The following BCCIP variants were observed in gnomAD, a reference collection of about 807,000 sequenced individuals.
BCCIP encodes BRCA2 and CDKN1A-interacting protein.
BCCIP carries 23 observed loss-of-function variants against 32.8 expected under a neutral mutation model. The ratio of observed to expected loss-of-function variants is 0.70; its 90% CI spans 0.51 to 0.99. The LOEUF is 0.99. BCCIP is among the 50% of genes least tolerant of loss of function. The pLI is 0.00. For missense variants in BCCIP, 378 were observed against 379.8 expected (o/e 1.00, Z 0.04); for synonymous variants, 144 against 137.6 (o/e 1.05, Z -0.33).
intron 2 of BCCIP, among the ~76,000 whole-genome samples, chr10:125,827,249 C>G (rs1854418392): frequency 6.6e-6 from 1 of 151,730 alleles, no homozygotes; most frequent in African/African-American, 2.4e-5. Context: ...GACTTTGGTT[C>G]TTTAGCCTTT....
At chr10:125,825,036 C>G (rs945020069) in intron 1 of BCCIP, among the ~76,000 whole-genome samples, 2 of 152,248 alleles carry the variant, frequency 1.3e-5, no homozygotes, top group Admixed American at 6.5e-5. Context: ...TGGCTCTATG[C>G]CTTGAATGCC....
intron 7 of BCCIP, among the ~76,000 whole-genome samples, chr10:125,851,737 T>C (rs1944091518): frequency 6.6e-6 from 1 of 151,904 alleles, no homozygotes; most frequent in Admixed American, 6.6e-5. Flanking sequence ...GCTGTCACTT[T>C]GTAAAAGAAA....
chr10:125,851,878 G>A (rs989947888), intron 7 of BCCIP, among the ~76,000 whole-genome samples: 2 of 138,448 alleles, frequency 1.4e-5, no homozygotes, highest in Non-Finnish European at 3.0e-5. Flanking sequence ...CTATGATCAC[G>A]CCACTGTACT....
intron 5 of BCCIP, 137 bp from the exon 6 acceptor site, chr10:125,833,635 G>A: frequency 1.4e-6 from 1 of 722,610 alleles, no homozygotes; most frequent in South Asian, 1.8e-5. Flanking sequence ...CATTCCTGTA[G>A]ACTAAGTGTT....
chr10:125,824,410 C>T (rs1364218028), intron 1 of BCCIP, among the ~76,000 whole-genome samples: 2 of 152,178 alleles, frequency 1.3e-5, no homozygotes, highest in East Asian at 1.9e-4. Flanking sequence ...AAATAGATAC[C>T]TCAGCCTTAA....
At chr10:125,852,691 G>A (rs1325620608) in intron 7 of BCCIP, 1 of 1,511,510 alleles carries the variant, frequency 6.6e-7, no homozygotes, top group Admixed American at 1.9e-5. Flanking sequence ...TCATGATTCA[G>A]TAGGCTCACT....
downstream of BCCIP, among the ~76,000 whole-genome samples, chr10:125,846,206 C>G (rs1944017420): frequency 6.6e-6 from 1 of 152,216 alleles, no homozygotes; most frequent in African/African-American, 2.4e-5. Flanking sequence ...AGCCAGGAAG[C>G]TGGCCCCAGG....
rs148591099 is a variant in BCCIP at position 125,826,628 on chromosome 10, A to T, written c.203A>T (p.Asp68Val). ...GAATTTGAAGCTTATTCCCTATCAG[A>T]TAATGATTATGACGGAATTAAGAAA... ...NIEFEAYSLS[D>V]NDYDGIKKLL... The change falls in exon 2 of 7, where the codon GAT (aspartate) becomes GTT (valine). Residue 68 changes from aspartate to valine, a missense_variant. Coordinates refer to ENST00000278100, the MANE Select transcript of BCCIP (RefSeq NM_078468.3). 132 of 1,613,648 alleles carry T rather than the reference A, an allele frequency of 8.2e-5. No homozygotes were observed. The highest frequency in any genetic ancestry group is 1.0e-4 in the Non-Finnish European group (122 of 1,179,842).
chr10:125,827,541 T>G lies in BCCIP; in HGVS notation c.241-17T>G. ...ATGCTTTGATCTTAATTTAAAATAATTTTTTCCTCCTTTTAGCTTTTTCTA... is the reference window on the plus strand; with the variant it reads ...ATGCTTTGATCTTAATTTAAAATAAGTTTTTCCTCCTTTTAGCTTTTTCTA... On this transcript the variant is annotated splice_polypyrimidine_tract_variant and intron_variant, in intron 2 of 6. Coordinates refer to ENST00000278100, the MANE Select transcript of BCCIP (RefSeq NM_078468.3). 1 of 1,543,646 alleles carries G rather than the reference T, an allele frequency of 6.5e-7. No homozygotes were observed. Among genetic ancestry groups the G allele is most frequent in the Non-Finnish European group, 8.9e-7 (1 of 1,122,010 alleles).
At chr10:125,841,187 T>TTGTG (rs34263964), downstream of BCCIP, 67 of 1,391,378 alleles carry the variant, frequency 4.8e-5, 2 homozygotes, top group South Asian at 4.1e-4. Context: ...CCCTCTCCTT[T>TTGTG]TGTGTGTGTG....
At chr10:125,842,791 T>G (rs911581234) in exon 7 of BCCIP, 19 of 948,692 alleles carry the variant, frequency 2.0e-5, no homozygotes, top group African/African-American at 1.4e-4. Context: ...AATAAAGAAA[T>G]AAAGATAGCA....
At chr10:125,847,609 G>A (rs1944037951), downstream of BCCIP, among the ~76,000 whole-genome samples, 1 of 152,218 alleles carries the variant, frequency 6.6e-6, no homozygotes, top group African/African-American at 2.4e-5. Flanking sequence ...AGAGGGTGGA[G>A]AGGATGGTTG....
intron 6 of BCCIP, among the ~76,000 whole-genome samples, chr10:125,835,635 T>C (rs927309322): frequency 3.3e-5 from 5 of 151,758 alleles, no homozygotes; most frequent in Non-Finnish European, 5.9e-5. Context: ...ACACCTCAGG[T>C]TGACCATTTG....
chr10:125,848,773 C>T (rs1369392376), intron 7 of BCCIP, among the ~76,000 whole-genome samples: 1 of 152,168 alleles, frequency 6.6e-6, no homozygotes, highest in African/African-American at 2.4e-5. Flanking sequence ...GTCACTCAGA[C>T]GATGACTGTG....
At chr10:125,842,916 A>G (rs1264455055), downstream of BCCIP, 3 of 393,076 alleles carry the variant, frequency 7.6e-6, no homozygotes, top group Non-Finnish European at 1.0e-5. Flanking sequence ...TATTTAAAGA[A>G]ATATATTCTC....
intron 7 of BCCIP, among the ~76,000 whole-genome samples, chr10:125,851,870 A>G (rs1031960625): frequency 4.8e-5 from 7 of 145,838 alleles, no homozygotes; most frequent in African/African-American, 1.8e-4. Flanking sequence ...GCAGTGAGCT[A>G]TGATCACGCC....
chr10:125,844,144 A>T (rs1038400229), downstream of BCCIP, among the ~76,000 whole-genome samples: 2 of 152,162 alleles, frequency 1.3e-5, no homozygotes, highest in Non-Finnish European at 2.9e-5. Flanking sequence ...TTCAGAAAAA[A>T]AGTTCAAGAG....
downstream of BCCIP, chr10:125,838,368 C>G: frequency 6.3e-7 from 1 of 1,588,424 alleles, no homozygotes; most frequent in Non-Finnish European, 8.5e-7. Context: ...GTTACCTGAT[C>G]CATCAACATC....
downstream of BCCIP, chr10:125,842,829 TTTTAAG>T: frequency 2.1e-6 from 2 of 937,010 alleles, no homozygotes; most frequent in Non-Finnish European, 2.5e-6. Context: ...TCTTTATTTC[TTTTAAG>T]TTTATGTAAC....
Sources: allele counts gnomAD v4.1 joint callset (sites outside exome capture counted in the v4.1 genomes callset), GRCh38; gene constraint gnomAD v4.1.1; transcripts MANE v1.5; gene names NCBI Gene and HGNC (gene_info 2026-07-23, HGNC 2026-07-21).